The following SYT14 variants were observed in gnomAD, a reference collection of about 807,000 sequenced individuals.
SYT14 encodes the protein synaptotagmin-14.
A neutral mutation model predicts 74.2 loss-of-function variants in SYT14; 32 were observed. The observed-to-expected ratio is 0.43, with a 90% CI of 0.33 to 0.58. SYT14 has a LOEUF of 0.58. Among genes scored for constraint, SYT14 ranks in the 20% least tolerant of loss-of-function variants. The probability of loss-of-function intolerance (pLI) is 0.05; values close to 1 mark genes in which losing one functional copy is unlikely to be tolerated. For synonymous variants in SYT14, 298 were observed against 337.7 expected (o/e 0.88, Z 1.29); for missense variants, 791 against 981.8 (o/e 0.81, Z 2.60).
rs201657439 is a variant in SYT14 at position 210,004,051 on chromosome 1, G to C, written c.-485-9582G>C. ...TCAGAATCAGATAGCATAATAGAAT[G>C]ATTAGTTTTCACCAGTTAGAAACAT... is the stretch of plus-strand genomic sequence containing the variant. On this transcript the variant is annotated intron_variant, in intron 2 of 9. Transcript: ENST00000637265. Among the ~76,000 whole-genome samples, 13 of 152,068 alleles carry C rather than the reference G, an allele frequency of 8.5e-5. No homozygotes were observed. In the East Asian group the frequency reaches 2.5e-3, roughly 29 times the overall value.
intron 5 of SYT14, among the ~76,000 whole-genome samples, chr1:210,089,882 T>G (rs1393176501): frequency 1.3e-5 from 2 of 152,238 alleles, no homozygotes; most frequent in African/African-American, 4.8e-5. Context: ...GAAAGTACAC[T>G]CCACAGAGCA....
intron 5 of SYT14, among the ~76,000 whole-genome samples, chr1:210,048,861 G>T (rs1347192388): frequency 6.6e-6 from 1 of 152,152 alleles, no homozygotes; most frequent in African/African-American, 2.4e-5. Flanking sequence ...ATACAATGGG[G>T]GTACAGGCAT....
At chr1:210,084,937 C>T (rs2081692425) in intron 5 of SYT14, among the ~76,000 whole-genome samples, 1 of 152,230 alleles carries the variant, frequency 6.6e-6, no homozygotes, top group African/African-American at 2.4e-5. Context: ...GTAGACTAGT[C>T]TCTGCCTTTC....
At chr1:209,943,508 C>CAAAA (rs58806792) in intron 1 of SYT14, among the ~76,000 whole-genome samples, 13 of 59,328 alleles carry the variant, frequency 2.2e-4, no homozygotes, top group African/African-American at 4.0e-4. Flanking sequence ...GATTCAATCT[C>CAAAA]AAAAAAAAAA....
chr1:210,067,066 T>C (rs1343792302), intron 5 of SYT14, among the ~76,000 whole-genome samples: 1 of 152,042 alleles, frequency 6.6e-6, no homozygotes, highest in Non-Finnish European at 1.5e-5. Context: ...AGACTGTTCT[T>C]TCCCCATTGA....
intron 2 of SYT14, among the ~76,000 whole-genome samples, chr1:209,976,054 C>T (rs924832104): frequency 3.0e-4 from 45 of 152,190 alleles, no homozygotes; most frequent in African/African-American, 1.1e-3. Flanking sequence ...GTGATATCCC[C>T]TTTATCATTT....
intron 7 of SYT14, among the ~76,000 whole-genome samples, chr1:210,111,225 G>C (rs1215537452): frequency 1.3e-5 from 2 of 152,084 alleles, no homozygotes; most frequent in African/African-American, 4.8e-5. Flanking sequence ...CATTTTATAG[G>C]ATTTGGGTGG....
intron 2 of SYT14, among the ~76,000 whole-genome samples, chr1:209,980,978 G>T (rs978929597): frequency 1.3e-5 from 2 of 152,058 alleles, no homozygotes; most frequent in East Asian, 1.9e-4. Context: ...TTCTAATTCT[G>T]TAAACAATGT....
intron 5 of SYT14, among the ~76,000 whole-genome samples, chr1:210,028,495 A>C (rs923896552): frequency 2.6e-5 from 4 of 152,078 alleles, no homozygotes; most frequent in African/African-American, 9.7e-5. Flanking sequence ...AACTACTCTA[A>C]GTACCTCATA....
intron 7 of SYT14, among the ~76,000 whole-genome samples, chr1:210,119,788 C>G (rs2082423190): frequency 6.6e-6 from 1 of 152,074 alleles, no homozygotes; most frequent in Non-Finnish European, 1.5e-5. Context: ...CAAAGATGTT[C>G]TGGTAAAAAG....
intron 2 of SYT14, among the ~76,000 whole-genome samples, chr1:209,967,126 T>C (rs1413019459): frequency 6.6e-6 from 1 of 152,202 alleles, no homozygotes; most frequent in African/African-American, 2.4e-5. Context: ...ACATGATGAA[T>C]CACATGTTAA....
intron 2 of SYT14, among the ~76,000 whole-genome samples, chr1:209,956,824 G>A (rs1298562226): frequency 6.6e-6 from 1 of 152,100 alleles, no homozygotes; most frequent in Non-Finnish European, 1.5e-5. Flanking sequence ...AGGTAGAAGG[G>A]GAAATTCATA....
intron 2 of SYT14, among the ~76,000 whole-genome samples, chr1:209,980,106 C>T (rs1483581702): frequency 6.6e-6 from 1 of 152,168 alleles, no homozygotes; most frequent in African/African-American, 2.4e-5. Context: ...TTCTCTAGAA[C>T]CATGCCAGCA....
chr1:210,099,940 T>G, intron 6 of SYT14, 72 bp from the exon 6 acceptor site: 1 of 1,341,326 alleles, frequency 7.5e-7, no homozygotes, highest in South Asian at 1.3e-5. Flanking sequence ...TAAAGAAATA[T>G]CAAGTATTTA....
chr1:210,156,805 G>T, intron 8 of SYT14: 1 of 244,278 alleles, frequency 4.1e-6, no homozygotes, highest in East Asian at 1.1e-4. Flanking sequence ...TGATCCTCCT[G>T]CCTCAGCCTC....
At chr1:210,155,892 G>C in exon 8 of SYT14, 4 of 1,614,026 alleles carry the variant, frequency 2.5e-6, no homozygotes, top group Non-Finnish European at 3.4e-6. Context: ...CAAAAATTTG[G>C]CAGCAAACAG....
chr1:210,167,396 G>A (rs1164910642), exon 10 of SYT14: 2 of 152,138 alleles, frequency 1.3e-5, no homozygotes, highest in Admixed American at 6.5e-5. Context: ...AGGATCCTTT[G>A]TTTCAAATAG....
intron 5 of SYT14, among the ~76,000 whole-genome samples, chr1:210,070,208 G>A (rs1220672732): frequency 6.6e-6 from 1 of 152,016 alleles, no homozygotes; most frequent in East Asian, 1.9e-4. Flanking sequence ...AGGATCTTGG[G>A]AGCTTATGTA....
At chr1:210,164,189 T>G (rs1451586209) in exon 10 of SYT14, 1 of 353,736 alleles carries the variant, frequency 2.8e-6, no homozygotes, top group Admixed American at 3.6e-5. Flanking sequence ...ACAATCCACT[T>G]TTGTTTGAAA....
Sources: allele counts gnomAD v4.1 joint callset (sites outside exome capture counted in the v4.1 genomes callset), GRCh38; gene constraint gnomAD v4.1.1; transcripts MANE v1.5; gene names NCBI Gene and HGNC (gene_info 2026-07-23, HGNC 2026-07-21).